KRABD5: variants seen among roughly 807,000 people sequenced by gnomAD.
KRABD5 encodes KRAB domain-containing protein 5.
chr16:31,724,689 G>A, the KRABD5 span, among the ~76,000 whole-genome samples: 2 of 98,650 alleles, frequency 2.0e-5, no homozygotes, highest in African/African-American at 4.8e-5. Context: ...GCAAGACTCC[G>A]TCTCAAAAAA....
chr16:31,721,767 G>C, the KRABD5 span, among the ~76,000 whole-genome samples: 122,132 of 152,222 alleles, frequency 0.8, 49,621 homozygotes, highest in African/African-American at 0.92. Flanking sequence ...TGAATTCTTC[G>C]TTCAGTGTTC....
chr16:31,724,030 T>C, the KRABD5 span, among the ~76,000 whole-genome samples: 700 of 152,322 alleles, frequency 4.6e-3, 7 homozygotes, highest in African/African-American at 0.016. Flanking sequence ...TATTACTTAC[T>C]ATGTAGAATT....
chr16:31,713,820 C>T, the KRABD5 span, among the ~76,000 whole-genome samples: 1 of 152,180 alleles, frequency 6.6e-6, no homozygotes, highest in African/African-American at 2.4e-5. Flanking sequence ...AGGGGAGTCA[C>T]CCTTAAAGCG....
At chr16:31,724,672 A>G in the KRABD5 span, among the ~76,000 whole-genome samples, 1 of 149,146 alleles carries the variant, frequency 6.7e-6, no homozygotes, top group Non-Finnish European at 1.5e-5. Flanking sequence ...AGCCTGGGTG[A>G]CAGAGAGCAA....
the KRABD5 span, among the ~76,000 whole-genome samples, chr16:31,733,994 A>T: frequency 6.6e-6 from 1 of 152,190 alleles, no homozygotes; most frequent in Non-Finnish European, 1.5e-5. Context: ...CATTGCCAAG[A>T]CCAATTTTCA....
chr16:31,751,225 A>G, the KRABD5 span, among the ~76,000 whole-genome samples: 1 of 152,148 alleles, frequency 6.6e-6, no homozygotes, highest in Non-Finnish European at 1.5e-5. Flanking sequence ...GTCTATGTTC[A>G]TTAGAGATAT....
the KRABD5 span, among the ~76,000 whole-genome samples, chr16:31,722,052 C>T: frequency 6.7e-6 from 1 of 148,908 alleles, no homozygotes; most frequent in Non-Finnish European, 1.5e-5. Context: ...TATGTTGATG[C>T]GTTAGTTTTT....
the KRABD5 span, among the ~76,000 whole-genome samples, chr16:31,717,310 C>T: frequency 5.3e-5 from 8 of 152,128 alleles, no homozygotes; most frequent in South Asian, 4.2e-4. Flanking sequence ...GTTTTTGATT[C>T]GGGACATTCT....
the KRABD5 span, chr16:31,756,449 A>G: frequency 1.3e-5 from 2 of 152,268 alleles, no homozygotes; most frequent in Admixed American, 1.3e-4. Flanking sequence ...AATCTTGAAT[A>G]TTATTTGATG....
chr16:31,732,999 G>A, the KRABD5 span, among the ~76,000 whole-genome samples: 3 of 151,726 alleles, frequency 2.0e-5, no homozygotes, highest in Non-Finnish European at 4.4e-5. Flanking sequence ...CCATATGATT[G>A]TGTTTCTTTT....
chr16:31,747,135 A>AC, the KRABD5 span, among the ~76,000 whole-genome samples: 1 of 95,948 alleles, frequency 1.0e-5, no homozygotes, highest in African/African-American at 4.0e-5. Context: ...TGCTATCCCT[A>AC]CCCCCTCCCC....
the KRABD5 span, chr16:31,713,533 G>C: frequency 6.8e-7 from 1 of 1,477,500 alleles, no homozygotes; most frequent in Non-Finnish European, 9.1e-7. Flanking sequence ...TGGGCCCTGA[G>C]TCCCCGCGGA....
chr16:31,752,225 T>G, the KRABD5 span, among the ~76,000 whole-genome samples: 1 of 152,312 alleles, frequency 6.6e-6, no homozygotes, highest in South Asian at 2.1e-4. Flanking sequence ...AGGATGTATG[T>G]GTTCTGTGGT....
the KRABD5 span, among the ~76,000 whole-genome samples, chr16:31,717,549 T>G: frequency 6.6e-6 from 1 of 152,224 alleles, no homozygotes; most frequent in South Asian, 2.1e-4. Context: ...GATGAACTCT[T>G]ATCTGACAAA....
the KRABD5 span, among the ~76,000 whole-genome samples, chr16:31,725,407 T>C: frequency 6.6e-6 from 1 of 152,242 alleles, no homozygotes; most frequent in Admixed American, 6.5e-5. Flanking sequence ...CGTGAGCCAC[T>C]GCTCCTGCCA....
the KRABD5 span, chr16:31,757,528 A>G: frequency 6.6e-6 from 1 of 152,194 alleles, no homozygotes; most frequent in Non-Finnish European, 1.5e-5. Flanking sequence ...GATGGGGATA[A>G]AAGGTCTGCA....
the KRABD5 span, among the ~76,000 whole-genome samples, chr16:31,733,164 G>A: frequency 2.0e-5 from 3 of 151,760 alleles, no homozygotes; most frequent in South Asian, 4.2e-4. Context: ...AAAATACTAC[G>A]TGTTATTCAT....
chr16:31,736,262 T>C, the KRABD5 span, among the ~76,000 whole-genome samples: 1 of 152,170 alleles, frequency 6.6e-6, no homozygotes, highest in Non-Finnish European at 1.5e-5. Flanking sequence ...ATGTGTTTGC[T>C]TTAATGCCAG....
the KRABD5 span, among the ~76,000 whole-genome samples, chr16:31,738,070 G>C: frequency 6.6e-6 from 1 of 152,108 alleles, no homozygotes; most frequent in Admixed American, 6.5e-5. Context: ...TGCTTTGTGT[G>C]ATTGTCATCT....
Sources: allele counts gnomAD v4.1 joint callset (sites outside exome capture counted in the v4.1 genomes callset), GRCh38; gene constraint gnomAD v4.1.1; transcripts MANE v1.5; gene names NCBI Gene and HGNC (gene_info 2026-07-23, HGNC 2026-07-21).